The following SLC6A6 variants were observed in gnomAD, a reference collection of about 807,000 sequenced individuals.
SLC6A6 encodes the protein solute carrier family 6 member 6.
In SLC6A6, 16 loss-of-function variants were observed where a neutral mutation model predicts 68.8. The observed-to-expected ratio is 0.23, with a 90% confidence interval of 0.16 to 0.35. The LOEUF is 0.35. Ranked by LOEUF, SLC6A6 falls within the 10% of genes least tolerant of loss-of-function variation. The pLI, the probability that SLC6A6 is intolerant of heterozygous loss-of-function variation, is 1.00. For synonymous variants in SLC6A6, 312 were observed against 315.4 expected (o/e 0.99, Z 0.12); for missense variants, 474 against 802.8 (o/e 0.59, Z 4.95).
rs373023437 is a variant in SLC6A6, at chr3:14,447,575, C to T, written c.365-7C>T. On this transcript the variant is annotated splice_region_variant and splice_polypyrimidine_tract_variant and intron_variant, in intron 4 of 14. Transcript: ENST00000622186. The stretch of plus-strand genomic sequence containing the variant: ...ATGTTTACTCATCTCATTTGCCCAA[C>T]CTGCAGGTATCGGCTATGCCTCCGT... 2.1e-5 allele frequency: 34 copies of T among 1,614,142 alleles called. No individual in the cohort carries two copies. Among genetic ancestry groups the T allele is most frequent in the Middle Eastern group, 3.3e-4 (2 of 6,062 alleles).
In SLC6A6 at chr3:14,412,159, C is replaced by T. The variant is rs1049319163; in HGVS notation, c.-53-4253C>T. Among the ~76,000 whole-genome samples, 7 of 152,230 alleles carry T rather than the reference C, an allele frequency of 4.6e-5. No individual in the cohort carries two copies. The East Asian group carries it at 7.7e-4, about 17-fold the overall frequency. On this transcript the variant is annotated intron_variant, in intron 1 of 14. Coordinates refer to ENST00000622186, the MANE Select transcript of SLC6A6 (RefSeq NM_003043.6). The stretch of plus-strand genomic sequence containing the variant: ...GCCACCACACGGGGTGCTGTTCCTG[C>T]GGGACTCCTTTAAGGATGCAGTCAT...
intron 2 of SLC6A6, among the ~76,000 whole-genome samples, chr3:14,441,875 T>A (rs760384600): frequency 2.6e-5 from 4 of 152,270 alleles, no homozygotes; most frequent in Non-Finnish European, 5.9e-5. Context: ...CCCTACTGTG[T>A]GCCAGGCATG....
chr3:14,466,776 G>GGCC (rs1181382298), intron 7 of SLC6A6, 126 bp downstream of exon 7: 1 of 839,008 alleles, frequency 1.2e-6, no homozygotes, highest in East Asian at 2.8e-5. Flanking sequence ...GGTCTAGCTG[G>GGCC]GCCACCGCCC....
In SLC6A6 at chr3:14,410,399, CTG is replaced by C. The variant is rs746453322; in HGVS notation, c.-53-6011_-53-6010del. Among the ~76,000 whole-genome samples the C allele has an allele frequency of 1.4e-4, 21 of 152,268 alleles. No individual in the cohort carries two copies. In the South Asian group the frequency reaches 4.1e-3, roughly 30 times the overall value. ...CTGGAAAGTGGGTGGGAGGGCAAAA[CTG>C]TATCAATTGCAAAGACTCCTTACAG... On this transcript the variant is annotated intron_variant, in intron 1 of 14. Transcript: ENST00000622186.
At chr3:14,458,168 A>C in intron 6 of SLC6A6, 86 bp downstream of exon 6, 1 of 1,278,132 alleles carries the variant, frequency 7.8e-7, no homozygotes, top group East Asian at 2.3e-5. Flanking sequence ...GCAATTAGCC[A>C]CGCCCCAAGA....
intron 1 of SLC6A6, among the ~76,000 whole-genome samples, chr3:14,414,793 T>C (rs1418108750): frequency 6.6e-6 from 1 of 152,100 alleles, no homozygotes; most frequent in African/African-American, 2.4e-5. Context: ...CCTCCAAGAG[T>C]GCTGGGATTG....
At chr3:14,484,270 G>A (rs932512368) in intron 14 of SLC6A6, among the ~76,000 whole-genome samples, 1 of 152,156 alleles carries the variant, frequency 6.6e-6, no homozygotes, top group African/African-American at 2.4e-5. Flanking sequence ...CCTATCTCTT[G>A]GAAGGGCAGC....
chr3:14,439,434 TCA>T (rs1699932737), intron 2 of SLC6A6, among the ~76,000 whole-genome samples: 1 of 152,168 alleles, frequency 6.6e-6, no homozygotes, highest in Non-Finnish European at 1.5e-5. Context: ...TGCGTGTGTG[TCA>T]AATCTGACCA....
chr3:14,439,777 G>A (rs557646868), intron 2 of SLC6A6, among the ~76,000 whole-genome samples: 103 of 152,318 alleles, frequency 6.8e-4, no homozygotes, highest in African/African-American at 2.3e-3. Context: ...GGAAGCTGGG[G>A]TGACTGGCCT....
intron 6 of SLC6A6, among the ~76,000 whole-genome samples, chr3:14,462,999 A>G (rs558519178): frequency 1.3e-5 from 2 of 152,272 alleles, no homozygotes; most frequent in South Asian, 4.1e-4. Context: ...TCTGCTGAAG[A>G]ACAGAAAGCA....
At chr3:14,419,398 G>A (rs1699437471) in intron 2 of SLC6A6, among the ~76,000 whole-genome samples, 2 of 152,190 alleles carry the variant, frequency 1.3e-5, no homozygotes, top group African/African-American at 4.8e-5. Context: ...TCTGAGAAGG[G>A]GCATGATGCG....
At chr3:14,479,614 G>C (rs1700962470) in intron 13 of SLC6A6, among the ~76,000 whole-genome samples, 1 of 152,178 alleles carries the variant, frequency 6.6e-6, no homozygotes, top group African/African-American at 2.4e-5. Context: ...ATAGACATTG[G>C]AAATGGGGTG....
intron 4 of SLC6A6, among the ~76,000 whole-genome samples, chr3:14,446,940 C>G (rs1486276033): frequency 6.6e-6 from 1 of 152,160 alleles, no homozygotes; most frequent in Non-Finnish European, 1.5e-5. Context: ...ATCCATTTAT[C>G]CTTAAGCCTT....
At chr3:14,427,571 G>A (rs1190572075) in intron 2 of SLC6A6, among the ~76,000 whole-genome samples, 1 of 152,164 alleles carries the variant, frequency 6.6e-6, no homozygotes, top group Non-Finnish European at 1.5e-5. Context: ...GGGGTCCCCG[G>A]TGCCCAAGGA....
At chr3:14,428,072 C>A (rs1198526289) in intron 2 of SLC6A6, among the ~76,000 whole-genome samples, 1 of 152,126 alleles carries the variant, frequency 6.6e-6, no homozygotes, top group Non-Finnish European at 1.5e-5. Context: ...GCTCAGATCC[C>A]CAGGGACCCA....
intron 2 of SLC6A6, among the ~76,000 whole-genome samples, chr3:14,427,958 G>A (rs112669233): frequency 0.042 from 6,441 of 152,314 alleles, 179 homozygotes; most frequent in Middle Eastern, 0.068. Flanking sequence ...TGCAGGCCCT[G>A]ATCTGGCCCT....
At chr3:14,424,362 A>C (rs1699544367) in intron 2 of SLC6A6, among the ~76,000 whole-genome samples, 1 of 152,086 alleles carries the variant, frequency 6.6e-6, no homozygotes, top group African/African-American at 2.4e-5. Flanking sequence ...AAGTTAAAAA[A>C]AAAAAAAAGC....
rs1005666673 is a variant in SLC6A6 at position 14,477,047 on chromosome 3, G to A, written c.1210-158G>A. Among the ~76,000 whole-genome samples, 1 of 152,204 alleles carries A rather than the reference G, an allele frequency of 6.6e-6. No individual in the cohort carries two copies. The highest frequency in any genetic ancestry group is 1.9e-4 in the East Asian group (1 of 5,194). ...CCCCAGGCACAGTCAGGGAGGCCAG[G>A]CTTCCACACTTGGACTTGATCTCAC... On this transcript the variant is annotated intron_variant, in intron 10 of 14. Coordinates refer to ENST00000622186, the MANE Select transcript of SLC6A6 (RefSeq NM_003043.6). The surrounding 1 kb of genome is among the most constrained non-coding windows in gnomAD (Gnocchi z 4.2).
In SLC6A6 at chr3:14,484,960, G is replaced by T; in HGVS notation, c.1816G>T (p.Gly606Cys). 1.2e-6 allele frequency: 2 copies of T among 1,613,024 alleles called. No individual in the cohort carries two copies. The highest frequency in any genetic ancestry group is 1.7e-6 in the Non-Finnish European group (2 of 1,179,748). The change falls in exon 15 of 15, where the codon GGC (glycine) becomes TGC (cysteine). Residue 606 changes from glycine (G) to cysteine (C), a missense_variant. Coordinates refer to ENST00000622186, the MANE Select transcript of SLC6A6 (RefSeq NM_003043.6). ...TPYNSRTVMN[G>C]ALVKPTHIIV... Reference sequence around the variant, plus strand: ...TTACAACTCTCGCACCGTCATGAACGGCGCTCTCGTGAAACCGACCCACAT... The same window carrying T: ...TTACAACTCTCGCACCGTCATGAACTGCGCTCTCGTGAAACCGACCCACAT...
Sources: gnomAD v4.1 joint callset for allele counts (sites outside exome capture counted in the v4.1 genomes callset) on GRCh38, gnomAD v4.1.1 for gene constraint, Gnocchi (gnomAD v3.1) non-coding constraint, MANE v1.5 for transcripts, NCBI Gene and HGNC (gene_info 2026-07-23, HGNC 2026-07-21) for gene names.